Variants in KIF18B observed in about 807,000 individuals in gnomAD.
The protein encoded by KIF18B is kinesin-like protein KIF18B.
Under a neutral mutation model 80.9 loss-of-function variants are expected in KIF18B, and 49 were observed. That is an observed-to-expected ratio of 0.61 (90% CI 0.48 to 0.77). The LOEUF is 0.77. KIF18B is among the 30% of genes least tolerant of loss of function. KIF18B has a pLI of 0.00. For missense variants in KIF18B, 994 were observed against 1,127.7 expected (o/e 0.88, Z 1.70); for synonymous variants, 439 against 463.9 (o/e 0.95, Z 0.69).
chr17:44,933,848 C>G (rs1424209033), intron 7 of KIF18B, 75 bp downstream of exon 7: 1 of 1,375,622 alleles, frequency 7.3e-7, no homozygotes, highest in Non-Finnish European at 9.8e-7. Flanking sequence ...TCTATTGGAG[C>G]TGCCTGGGTC....
In KIF18B at chr17:44,927,889, G is replaced by T; in HGVS notation, c.2276+137C>A. On this transcript the variant is annotated intron_variant, in intron 13 of 15. Coordinates refer to ENST00000593135, the MANE Select transcript of KIF18B (RefSeq NM_001265577.2). This position sits in a 1 kb window ranked among gnomAD's most constrained non-coding sequence, Gnocchi z 4.1. The stretch of plus-strand genomic sequence containing the variant: ...AGCTGTTGGGCCTGGGGAGCAAAGC[G>T]GATCACAACCAAAGTGGAACAGATA... The T allele has an allele frequency of 1.3e-6, 1 of 771,302 alleles. No homozygotes were observed. The highest frequency in any genetic ancestry group is 1.9e-6 in the Non-Finnish European group (1 of 531,784). 47.8% of individuals were successfully genotyped at this position (771,302 alleles called of 1,614,324 possible).
chr17:44,936,555 A>ACTCACT (rs1491497176), intron 1 of KIF18B, among the ~76,000 whole-genome samples, 197 bp from the exon 2 acceptor site: 19 of 37,232 alleles, frequency 5.1e-4, no homozygotes, highest in South Asian at 1.6e-3. Context: ...TACTCAAATG[A>ACTCACT]CTCTCTCTCT....
chr17:44,932,178 C>T lies in KIF18B; in HGVS notation c.1267G>A (p.Gly423Arg), dbSNP rs780225641. ...CTCTCCTCTTGAAGGGCTCTAGGCCCTGCAGGGAGCTCTGGGGTGCAGGGC... is the reference window on the plus strand; with the variant it reads ...CTCTCCTCTTGAAGGGCTCTAGGCCTTGCAGGGAGCTCTGGGGTGCAGGGC... ...HQPCTPELPA[G>R]PRALQEESLG... The change falls in exon 10 of 16, where the codon GGG (glycine) becomes AGG (arginine). Residue 423 changes from glycine to arginine, a missense_variant. Physicochemically the swap from Gly to Arg is moderately radical, Grantham distance 125. Coordinates refer to ENST00000593135, the MANE Select transcript of KIF18B (RefSeq NM_001265577.2). 1.2e-6 allele frequency: 2 copies of T among 1,611,252 alleles called. No individual in the cohort carries two copies. The highest frequency in any genetic ancestry group is 1.7e-6 in the Non-Finnish European group (2 of 1,178,536).
rs1361313336 is a variant in KIF18B at position 44,935,296 on chromosome 17, T to A, written c.434A>T (p.Gln145Leu). The A allele has an allele frequency of 6.2e-7, 1 of 1,611,522 alleles. No individual in the cohort carries two copies. Among genetic ancestry groups the A allele is most frequent in the Admixed American group, 1.7e-5 (1 of 59,866 alleles). The change falls in exon 3 of 16, where the codon CAG becomes CTG. Residue 145 changes from glutamine (Q) to leucine (L), a missense_variant. Gln to Leu is a moderately radical substitution (Grantham distance 113). Transcript: ENST00000593135. ...ELYRRLEARQ[Q>L]EKHFEVLISY... ...GATGAGCACCTCGAAGTGCTTCTCC[T>A]GCTGGCGGGCCTCCAGGCGCCTGTA...
chr17:44,929,552 T>A (rs1293032963), intron 11 of KIF18B, among the ~76,000 whole-genome samples: 1 of 152,216 alleles, frequency 6.6e-6, no homozygotes, highest in Non-Finnish European at 1.5e-5. Flanking sequence ...AGAATGGGGA[T>A]AACAAATGCC....
chr17:44,926,221 G>T, intron 15 of KIF18B, 35 bp from the exon 16 acceptor site: 1 of 1,612,282 alleles, frequency 6.2e-7, no homozygotes, highest in Non-Finnish European at 8.5e-7. Flanking sequence ...GGGGAGTGCA[G>T]CGAGGAAGGA....
In KIF18B at chr17:44,928,210, G is replaced by C; in HGVS notation, c.2092C>G (p.Arg698Gly). The C allele has an allele frequency of 1.9e-6, 3 of 1,612,846 alleles. No individual in the cohort carries two copies. The highest frequency in any genetic ancestry group is 2.5e-6 in the Non-Finnish European group (3 of 1,179,330). The change falls in exon 13 of 16, where the codon CGG (arginine) becomes GGG (glycine). Residue 698 changes from arginine to glycine, a missense_variant. Transcript: ENST00000593135. ...RVCPATVIKS[R>G]VPLGPSAMQN... ...ATGGCGGAAGGGCCCAGGGGCACCC[G>C]GCTTTTGATGACTGTGGCTGGGCAA...
rs1280801247 is a variant in KIF18B at position 44,932,099 on chromosome 17, T to C, written c.1346A>G (p.Gln449Arg). The C allele has an allele frequency of 6.2e-7, 1 of 1,613,900 alleles. No individual in the cohort carries two copies. ...ATCCTCATCCTCTGGGGACTGCTCCTGGTCTGAAGAGTTCCCTTCCATGGC... is the reference window on the plus strand; with the variant it reads ...ATCCTCATCCTCTGGGGACTGCTCCCGGTCTGAAGAGTTCCCTTCCATGGC... The part of the protein sequence containing the change: ...ERAMEGNSSD[Q>R]EQSPEDEDEG... Residue 449 changes from glutamine (Q) to arginine (R), a missense_variant, in exon 10 of 16, where the codon CAG becomes CGG. Gln to Arg is a conservative substitution (Grantham distance 43, BLOSUM62 1). Coordinates refer to ENST00000593135, the MANE Select transcript of KIF18B (RefSeq NM_001265577.2).
Position 44,926,781 on chromosome 17 carries a change from G to A in KIF18B, c.2366+208C>T, listed in dbSNP as rs557338914. ...AATGGGTGCTGAGAGCCTCCCTCAT[G>A]GATCAGCTCTGGGGTGATCCTGGGA... is the stretch of plus-strand genomic sequence containing the variant. On this transcript the variant is annotated intron_variant, in intron 14 of 15. Coordinates refer to ENST00000593135, the MANE Select transcript of KIF18B (RefSeq NM_001265577.2). Among the ~76,000 whole-genome samples the A allele has an allele frequency of 2.6e-5, 4 of 152,300 alleles. No individual in the cohort carries two copies. The East Asian group carries it at 7.7e-4, about 29-fold the overall frequency.
Position 44,932,213 on chromosome 17 carries a change from G to C in KIF18B, c.1239-7C>G, listed in dbSNP as rs1208623418. The C allele has an allele frequency of 6.3e-7, 1 of 1,577,468 alleles. No homozygotes were observed. Among genetic ancestry groups the C allele is most frequent in the Non-Finnish European group, 8.6e-7 (1 of 1,159,478 alleles). ...CTCTGGGGTGCAGGGCTGGCTGGGA[G>C]GGTGGGGTGGCAAGGGGGAGCTGGG... On this transcript the variant is annotated splice_polypyrimidine_tract_variant and splice_region_variant and intron_variant, in intron 9 of 15. Coordinates refer to ENST00000593135, the MANE Select transcript of KIF18B (RefSeq NM_001265577.2).
At chr17:44,935,135 T>C (rs1442216351) in intron 3 of KIF18B, 124 bp downstream of exon 3, 1 of 1,064,146 alleles carries the variant, frequency 9.4e-7, no homozygotes, top group African/African-American at 1.6e-5. Flanking sequence ...GCAGTATCTA[T>C]CTCCTTGAGG....
intron 1 of KIF18B, 91 bp from the exon 2 acceptor site, chr17:44,936,449 C>A: frequency 9.5e-7 from 1 of 1,047,422 alleles, no homozygotes; most frequent in Non-Finnish European, 1.4e-6. Context: ...CCACCCACTC[C>A]CAATGACTGG....
At position 44,928,503 on chromosome 17, in the gene KIF18B, A is replaced by G; in HGVS notation, c.1799T>C (p.Leu600Pro). 6.7e-7 allele frequency: 1 copy of G among 1,496,580 alleles called. No individual in the cohort carries two copies. Among genetic ancestry groups the G allele is most frequent in the Non-Finnish European group, 8.9e-7 (1 of 1,128,308 alleles). The allele number at this position is 1,496,580 out of a possible 1,614,324, so 92.7% of individuals were successfully genotyped here. A position where few individuals can be genotyped will look rare whatever the true frequency, so the allele number is the denominator to read the frequency against. Reference protein sequence around the residue: ...GPVTRTMARRLSGPLHTLGIP... With the variant: ...GPVTRTMARRPSGPLHTLGIP... ...TCCCAGGGTGTGCAGGGGGCCACTCAGTCGCCTCGCCATAGTCCGGGTCAC... is the reference window on the plus strand; with the variant it reads ...TCCCAGGGTGTGCAGGGGGCCACTCGGTCGCCTCGCCATAGTCCGGGTCAC... Residue 600 changes from leucine (L) to proline (P), a missense_variant, in exon 13 of 16, where the codon CTG (leucine) becomes CCG (proline). Physicochemically the swap from Leu to Pro is moderately conservative, Grantham distance 98. Coordinates refer to ENST00000593135, the MANE Select transcript of KIF18B (RefSeq NM_001265577.2).
chr17:44,941,489 C>G (rs936262348), intron 1 of KIF18B, among the ~76,000 whole-genome samples: 1 of 152,272 alleles, frequency 6.6e-6, no homozygotes, highest in Admixed American at 6.5e-5. Context: ...CAGGCGCCCA[C>G]CATTACGGCC....
intron 1 of KIF18B, among the ~76,000 whole-genome samples, chr17:44,941,716 C>T (rs56726647): frequency 3.9e-5 from 6 of 152,106 alleles, no homozygotes; most frequent in Admixed American, 2.0e-4. Flanking sequence ...CTTTGGCACC[C>T]GGGGAAGGGA....
chr17:44,928,531 G>C lies in KIF18B; in HGVS notation c.1771C>G (p.Pro591Ala). Residue 591 changes from proline (P) to alanine (A), a missense_variant, in exon 13 of 16, where the codon CCT (proline) becomes GCT (alanine). Coordinates refer to ENST00000593135, the MANE Select transcript of KIF18B (RefSeq NM_001265577.2). ...LCPEPPGYTG[P>A]VTRTMARRLS... ...CGCCTCGCCATAGTCCGGGTCACAGGGCCAGTGTATCCTGGAGGCTCTGGG... is the reference window on the plus strand; with the variant it reads ...CGCCTCGCCATAGTCCGGGTCACAGCGCCAGTGTATCCTGGAGGCTCTGGG... 1 of 1,472,102 alleles carries C rather than the reference G, an allele frequency of 6.8e-7. No homozygotes were observed. Among genetic ancestry groups the C allele is most frequent in the Non-Finnish European group, 8.9e-7 (1 of 1,117,616 alleles). 91.2% of individuals were successfully genotyped at this position (1,472,102 alleles called of 1,614,324 possible). A position where few individuals can be genotyped will look rare whatever the true frequency, so the allele number is the denominator to read the frequency against.
rs750105837 is a variant in KIF18B, at chr17:44,931,701, G to A, written c.1418C>T (p.Pro473Leu). The A allele has an allele frequency of 2.5e-6, 4 of 1,613,864 alleles. No individual in the cohort carries two copies. The highest frequency in any genetic ancestry group is 2.2e-5 in the East Asian group (1 of 44,890). ...AGGGGACTCTGGCAGTGCATGTGTG[G>A]GGTTCTGCTCTGGCATCTGGGTTGG... Reference protein sequence around the residue: ...EVPTQMPEQNPTHALPESPRL... With the variant: ...EVPTQMPEQNLTHALPESPRL... The change falls in exon 11 of 16, where the codon CCC becomes CTC. Residue 473 changes from proline (P) to leucine (L), a missense_variant. Coordinates refer to ENST00000593135, the MANE Select transcript of KIF18B (RefSeq NM_001265577.2).
Position 44,927,017 on chromosome 17 carries a change from A to G in KIF18B, c.2338T>C (p.Ser780Pro). Residue 780 changes from serine to proline, a missense_variant, in exon 14 of 16, where the codon TCT becomes CCT. Coordinates refer to ENST00000593135, the MANE Select transcript of KIF18B (RefSeq NM_001265577.2). This position sits in a 1 kb window ranked among gnomAD's most constrained non-coding sequence, Gnocchi z 4.1. ...PKPTSSLPGT[S>P]ACKKKRVASS... is the part of the protein sequence containing the mutation. Reference sequence around the variant, plus strand: ...GCAACGCGCTTCTTCTTGCAGGCAGAGGTCCCAGGGAGGGAAGATGTTGGC... The same window carrying G: ...GCAACGCGCTTCTTCTTGCAGGCAGGGGTCCCAGGGAGGGAAGATGTTGGC... The G allele has an allele frequency of 6.2e-7, 1 of 1,612,508 alleles. No individual in the cohort carries two copies.
At position 44,934,227 on chromosome 17, in the gene KIF18B, C is replaced by A; in HGVS notation, c.885+6G>T. 6.2e-7 allele frequency: 1 copy of A among 1,607,768 alleles called. No homozygotes were observed. Among genetic ancestry groups the A allele is most frequent in the South Asian group, 1.1e-5 (1 of 90,416 alleles). On this transcript the variant is annotated splice_donor_region_variant and intron_variant, in intron 6 of 15. Coordinates refer to ENST00000593135, the MANE Select transcript of KIF18B (RefSeq NM_001265577.2). This position sits in a 1 kb window ranked among gnomAD's most constrained non-coding sequence, Gnocchi z 5.4. ...CTGGGGAGAATACTGGCCTGTGCTG[C>A]TTTACCTTTGCATCGGCCAAGGCAT...
Sources: gnomAD v4.1 joint callset for allele counts (sites outside exome capture counted in the v4.1 genomes callset) on GRCh38, gnomAD v4.1.1 for gene constraint, Gnocchi (gnomAD v3.1) non-coding constraint, MANE v1.5 for transcripts, NCBI Gene and HGNC (gene_info 2026-07-23, HGNC 2026-07-21) for gene names.